The following GPC6 variants were observed in gnomAD, a reference collection of about 807,000 sequenced individuals.
GPC6 encodes glypican-6.
In GPC6, 14 loss-of-function variants were observed where a neutral mutation model predicts 55.2. The ratio of observed to expected loss-of-function variants is 0.25; its 90% CI spans 0.17 to 0.40. The LOEUF is 0.40. Among genes scored for constraint, GPC6 ranks in the 10% least tolerant of loss-of-function variants. The probability of loss-of-function intolerance (pLI) is 1.00; values close to 1 mark genes in which losing one functional copy is unlikely to be tolerated. For synonymous variants in GPC6, 278 were observed against 259.6 expected (o/e 1.07, Z -0.68); for missense variants, 641 against 708.5 (o/e 0.90, Z 1.08).
chr13:93,487,188 G>C (rs1321436801), intron 1 of GPC6, among the ~76,000 whole-genome samples: 1 of 152,092 alleles, frequency 6.6e-6, no homozygotes, highest in Non-Finnish European at 1.5e-5. Context: ...TATTGAAGGA[G>C]ATCATTATTG....
At chr13:94,289,378 C>T (rs1157448451) in intron 5 of GPC6, among the ~76,000 whole-genome samples, 2 of 152,176 alleles carry the variant, frequency 1.3e-5, no homozygotes. Context: ...TACATTTCTT[C>T]ACTTAAAACT....
intron 1 of GPC6, among the ~76,000 whole-genome samples, chr13:93,440,573 G>A (rs899876729): frequency 6.6e-6 from 1 of 152,188 alleles, no homozygotes; most frequent in Non-Finnish European, 1.5e-5. Context: ...CACCTGGCTT[G>A]TGGAGCTTCC....
chr13:93,960,727 A>G (rs1879728898), intron 3 of GPC6, among the ~76,000 whole-genome samples: 1 of 151,906 alleles, frequency 6.6e-6, no homozygotes, highest in East Asian at 1.9e-4. Context: ...GGTCTCTGTG[A>G]TGCTGAAGCC....
At chr13:94,234,295 T>C (rs893806890) in intron 4 of GPC6, among the ~76,000 whole-genome samples, 3 of 152,126 alleles carry the variant, frequency 2.0e-5, no homozygotes, top group Non-Finnish European at 4.4e-5. Context: ...AAGTATTCCA[T>C]GTTTACAGGT....
intron 1 of GPC6, among the ~76,000 whole-genome samples, chr13:93,479,442 C>G (rs1879416013): frequency 6.6e-6 from 1 of 152,068 alleles, no homozygotes; most frequent in South Asian, 2.1e-4. Context: ...CAAAGATGAT[C>G]TGAGAAGTTA....
chr13:93,645,673 A>C (rs146721160), intron 2 of GPC6, among the ~76,000 whole-genome samples: 27 of 152,252 alleles, frequency 1.8e-4, no homozygotes, highest in Admixed American at 9.8e-4. Context: ...ATAATATGCT[A>C]TTCATGGTTG....
chr13:93,972,699 C>T (rs1306953933), intron 3 of GPC6, among the ~76,000 whole-genome samples: 1 of 152,064 alleles, frequency 6.6e-6, no homozygotes, highest in Non-Finnish European at 1.5e-5. Flanking sequence ...CATCATTTTC[C>T]TTCTAAGTTA....
At chr13:93,729,502 A>G (rs920791339) in intron 2 of GPC6, among the ~76,000 whole-genome samples, 6 of 152,194 alleles carry the variant, frequency 3.9e-5, no homozygotes, top group African/African-American at 1.4e-4. Context: ...GCACCACTGT[A>G]TACTCATCCA....
At chr13:93,706,148 T>A (rs190923124) in intron 2 of GPC6, among the ~76,000 whole-genome samples, 2 of 151,826 alleles carry the variant, frequency 1.3e-5, no homozygotes, top group African/African-American at 4.8e-5. Flanking sequence ...CTATTTCACC[T>A]TAAAAAATTA....
In GPC6 at chr13:93,490,042, T is replaced by G. The variant is rs566942735; in HGVS notation, c.161-55221T>G. 0.014 allele frequency among the ~76,000 whole-genome samples: 2,118 copies of G among 151,454 alleles called. 222 individuals are homozygous for G. In the East Asian group the frequency reaches 0.15, roughly 11 times the overall value. ...GGTGAGAGAGGGCATCCCTGTCTTGTGCCAGTTTTCAAAGGGAATGCTTCC... is the reference window on the plus strand; with the variant it reads ...GGTGAGAGAGGGCATCCCTGTCTTGGGCCAGTTTTCAAAGGGAATGCTTCC... On this transcript the variant is annotated intron_variant, in intron 1 of 8. Coordinates refer to ENST00000377047, the MANE Select transcript of GPC6 (RefSeq NM_005708.5).
intron 2 of GPC6, among the ~76,000 whole-genome samples, chr13:93,671,861 A>G (rs1881372368): frequency 6.6e-6 from 1 of 152,058 alleles, no homozygotes; most frequent in Non-Finnish European, 1.5e-5. Context: ...AGGAAAGGTT[A>G]AGTGGCATGT....
At chr13:93,515,047 TA>T (rs1881133028) in intron 1 of GPC6, among the ~76,000 whole-genome samples, 2 of 152,122 alleles carry the variant, frequency 1.3e-5, no homozygotes, top group African/African-American at 4.8e-5. Flanking sequence ...AGGCTCATGG[TA>T]GTATCTGTGT....
At chr13:94,211,169 TG>T (rs1890065493) in intron 4 of GPC6, among the ~76,000 whole-genome samples, 1 of 152,184 alleles carries the variant, frequency 6.6e-6, no homozygotes, top group South Asian at 2.1e-4. Context: ...TTTTGTTTTT[TG>T]TTTTGTTTTG....
chr13:94,043,810 A>G (rs1883628771), intron 4 of GPC6, among the ~76,000 whole-genome samples: 1 of 150,896 alleles, frequency 6.6e-6, no homozygotes, highest in South Asian at 2.1e-4. Flanking sequence ...GTATTTCTGT[A>G]GAGTTTATTT....
chr13:93,974,671 T>G (rs551750333), intron 3 of GPC6, among the ~76,000 whole-genome samples: 1 of 152,154 alleles, frequency 6.6e-6, no homozygotes, highest in African/African-American at 2.4e-5. Flanking sequence ...TAGAGGTATA[T>G]TTTTACTCAG....
chr13:94,365,707 T>C (rs1011229163), intron 6 of GPC6, among the ~76,000 whole-genome samples: 14 of 152,226 alleles, frequency 9.2e-5, no homozygotes, highest in African/African-American at 3.4e-4. Flanking sequence ...TGTACATCCT[T>C]GTGGGTACTC....
chr13:93,719,772 T>C (rs1883386336), intron 2 of GPC6, among the ~76,000 whole-genome samples: 1 of 152,088 alleles, frequency 6.6e-6, no homozygotes, highest in South Asian at 2.1e-4. Context: ...ATACCTAGTT[T>C]ATTGAGTGTT....
At chr13:94,056,208 C>G (rs1594700614) in intron 4 of GPC6, among the ~76,000 whole-genome samples, 2 of 152,282 alleles carry the variant, frequency 1.3e-5, no homozygotes, top group East Asian at 3.9e-4. Flanking sequence ...TTGTAACACT[C>G]TCTAACCCCT....
intron 6 of GPC6, among the ~76,000 whole-genome samples, chr13:94,369,772 G>A (rs1879456069): frequency 6.6e-6 from 1 of 152,052 alleles, no homozygotes; most frequent in Admixed American, 6.5e-5. Flanking sequence ...GGGTAATCGG[G>A]TCAAGGAAAA....
Sources: allele counts gnomAD v4.1 joint callset (sites outside exome capture counted in the v4.1 genomes callset), GRCh38; gene constraint gnomAD v4.1.1; transcripts MANE v1.5; gene names NCBI Gene and HGNC (gene_info 2026-07-23, HGNC 2026-07-21).